The following VWC2L variants were observed in gnomAD, a reference collection of about 807,000 sequenced individuals.
VWC2L encodes the protein von Willebrand factor C domain-containing protein 2-like.
Under a neutral mutation model 21.6 loss-of-function variants are expected in VWC2L, and 10 were observed. That is an observed-to-expected ratio of 0.46 (90% confidence interval 0.29 to 0.78). The LOEUF (loss-of-function observed/expected upper bound fraction) is 0.78, where lower values mean the gene tolerates loss of function less well. Among genes scored for constraint, VWC2L ranks in the 30% least tolerant of loss-of-function variants. VWC2L has a pLI of 0.10. For missense variants in VWC2L, 209 were observed against 277.1 expected (o/e 0.75, Z 1.74); for synonymous variants, 96 against 94.3 (o/e 1.02, Z -0.10).
At chr2:214,523,194 T>C (rs754566454) in intron 3 of VWC2L, among the ~76,000 whole-genome samples, 7 of 152,240 alleles carry the variant, frequency 4.6e-5, no homozygotes, top group Admixed American at 6.5e-5. Context: ...TCTCTGCTAA[T>C]TGTTGACCTC....
chr2:214,487,568 G>T (rs952370323), intron 3 of VWC2L, among the ~76,000 whole-genome samples: 1 of 152,186 alleles, frequency 6.6e-6, no homozygotes, highest in Non-Finnish European at 1.5e-5. Flanking sequence ...AAGGTGTCAG[G>T]TAAGGCATTC....
chr2:214,476,807 T>G (rs1052962112), intron 3 of VWC2L, among the ~76,000 whole-genome samples: 12 of 152,226 alleles, frequency 7.9e-5, no homozygotes, highest in African/African-American at 2.9e-4. Context: ...TTTAAGATAT[T>G]GAAGTATTTT....
chr2:214,495,945 T>G (rs1438813451), intron 3 of VWC2L, among the ~76,000 whole-genome samples: 4 of 152,166 alleles, frequency 2.6e-5, no homozygotes, highest in Non-Finnish European at 5.9e-5. Context: ...AGTCATGTGT[T>G]GCTTAACATC....
rs115708695 is a variant in VWC2L at position 214,518,431 on chromosome 2, G to A, written c.521-57241G>A. 7.7e-3 allele frequency among the ~76,000 whole-genome samples: 1,165 copies of A among 152,244 alleles called. 22 individuals are homozygous for A. Among genetic ancestry groups the A allele is most frequent in the African/African-American group, 0.026 (1,090 of 41,524 alleles). On this transcript the variant is annotated intron_variant, in intron 3 of 3. Coordinates refer to ENST00000312504, the MANE Select transcript of VWC2L (RefSeq NM_001080500.4). Reference sequence around the variant, plus strand: ...TGATGATGACATTATGATGATGCAGGTCTTTGGCAAAAGTTGAGGGAACTT... The same window carrying A: ...TGATGATGACATTATGATGATGCAGATCTTTGGCAAAAGTTGAGGGAACTT...
intron 3 of VWC2L, among the ~76,000 whole-genome samples, chr2:214,457,889 G>A (rs1703080053): frequency 6.6e-6 from 1 of 152,014 alleles, no homozygotes; most frequent in Non-Finnish European, 1.5e-5. Flanking sequence ...GAAGATTTTG[G>A]CATCTATGTT....
chr2:214,412,143 T>A (rs1325659456), intron 1 of VWC2L, among the ~76,000 whole-genome samples: 1 of 152,138 alleles, frequency 6.6e-6, no homozygotes, highest in Non-Finnish European at 1.5e-5. Context: ...AATGTTTATA[T>A]AAAGTAGATA....
chr2:214,483,981 A>G (rs542272584), intron 3 of VWC2L, among the ~76,000 whole-genome samples: 12 of 152,314 alleles, frequency 7.9e-5, no homozygotes, highest in African/African-American at 2.6e-4. Context: ...CAGAAACTCT[A>G]GAGAAGAATG....
chr2:214,432,182 T>C (rs1442090959), intron 2 of VWC2L, among the ~76,000 whole-genome samples: 1 of 152,352 alleles, frequency 6.6e-6, no homozygotes, highest in East Asian at 1.9e-4. Flanking sequence ...AGATTATACA[T>C]AAATGATTAT....
chr2:214,530,345 A>C (rs1278235143), intron 3 of VWC2L, among the ~76,000 whole-genome samples: 1 of 152,196 alleles, frequency 6.6e-6, no homozygotes, highest in African/African-American at 2.4e-5. Flanking sequence ...GAGGGGATCA[A>C]GATTACCTGT....
chr2:214,529,859 G>A (rs12467482), intron 3 of VWC2L, among the ~76,000 whole-genome samples: 2 of 151,898 alleles, frequency 1.3e-5, no homozygotes, highest in Admixed American at 1.3e-4. Context: ...TCATGCTTAC[G>A]CTCATATACT....
At chr2:214,431,225 T>C (rs1702597693) in intron 2 of VWC2L, among the ~76,000 whole-genome samples, 3 of 152,196 alleles carry the variant, frequency 2.0e-5, no homozygotes, top group Non-Finnish European at 4.4e-5. Context: ...AACTTTGAAA[T>C]AGAGTCTTCC....
At chr2:214,534,588 T>A (rs755916070) in intron 3 of VWC2L, among the ~76,000 whole-genome samples, 1 of 152,098 alleles carries the variant, frequency 6.6e-6, no homozygotes, top group South Asian at 2.1e-4. Flanking sequence ...CTGTGCCCCC[T>A]GGAGTTGTGC....
chr2:214,573,834 G>A (rs948039652), intron 3 of VWC2L, among the ~76,000 whole-genome samples: 1 of 152,140 alleles, frequency 6.6e-6, no homozygotes, highest in Non-Finnish European at 1.5e-5. Context: ...ATGGCCAGTG[G>A]CTTAGAATCA....
At chr2:214,535,627 A>T (rs1256260506) in intron 3 of VWC2L, among the ~76,000 whole-genome samples, 4 of 152,138 alleles carry the variant, frequency 2.6e-5, no homozygotes, top group Non-Finnish European at 5.9e-5. Context: ...CAAAAGGGTG[A>T]TCCTTAAAGC....
At chr2:214,559,056 C>A (rs1458576099) in intron 3 of VWC2L, among the ~76,000 whole-genome samples, 2 of 144,812 alleles carry the variant, frequency 1.4e-5, no homozygotes, top group East Asian at 4.0e-4. Flanking sequence ...AGGCAACCTA[C>A]AAAATGGGAG....
intron 3 of VWC2L, among the ~76,000 whole-genome samples, chr2:214,498,393 T>C (rs1688840735): frequency 6.6e-6 from 1 of 152,134 alleles, no homozygotes; most frequent in Non-Finnish European, 1.5e-5. Flanking sequence ...AGGCCTATTG[T>C]TCAATGACCC....
intron 3 of VWC2L, among the ~76,000 whole-genome samples, chr2:214,553,205 T>A (rs926781617): frequency 6.6e-6 from 1 of 152,206 alleles, no homozygotes; most frequent in African/African-American, 2.4e-5. Flanking sequence ...ACAGAAGTGA[T>A]CTGGCTAATG....
In VWC2L at chr2:214,414,349, G is replaced by C. The variant is rs768190785; in HGVS notation, c.156G>C (p.Gly52=). The change falls in exon 2 of 4, where the codon GGG becomes GGC. Residue 52 remains glycine (G), a synonymous_variant. Transcript: ENST00000312504. ...TCTTTGATGACTATCGAGGGAAAGGGTGTGTCGATGACAGCGGCTTTGTAT... is the reference window on the plus strand; with the variant it reads ...TCTTTGATGACTATCGAGGGAAAGGCTGTGTCGATGACAGCGGCTTTGTAT... The part of the protein sequence containing the change: ...NLIFDDYRGK[G]CVDDSGFVYK... 3 of 1,613,738 alleles carry C rather than the reference G, an allele frequency of 1.9e-6. No homozygotes were observed. In the African/African-American group the frequency reaches 4.0e-5, roughly 22 times the overall value.
intron 2 of VWC2L, among the ~76,000 whole-genome samples, chr2:214,423,826 C>T (rs950594292): frequency 1.4e-4 from 22 of 152,028 alleles, no homozygotes; most frequent in Admixed American, 1.3e-4. Flanking sequence ...ACTGAGACTA[C>T]TTTATACTTG....
Sources: gnomAD v4.1 joint callset for allele counts (sites outside exome capture counted in the v4.1 genomes callset) on GRCh38, gnomAD v4.1.1 for gene constraint, MANE v1.5 for transcripts, NCBI Gene and HGNC (gene_info 2026-07-23, HGNC 2026-07-21) for gene names.